NEDD8: variants seen among roughly 807,000 people sequenced by gnomAD.
NEDD8 encodes ubiquitin-like protein NEDD8.
In NEDD8, 1 loss-of-function variant was observed where a neutral mutation model predicts 13.8. The ratio of observed to expected loss-of-function variants is 0.07; its 90% CI spans 0.03 to 0.34. NEDD8 has a LOEUF of 0.34. NEDD8 is among the 10% of genes least tolerant of loss of function. NEDD8 has a pLI of 0.99. For missense variants in NEDD8, 10 were observed against 95.2 expected, an observed-to-expected ratio of 0.10 and a Z score of 3.73; for synonymous variants, 31 against 33.2, an observed-to-expected ratio of 0.93 and a Z score of 0.23.
intron 1 of NEDD8, among the ~76,000 whole-genome samples, chr14:24,223,626 G>A (rs1376621492): frequency 6.6e-6 from 1 of 151,580 alleles, no homozygotes; most frequent in African/African-American, 2.4e-5. Flanking sequence ...ATGGCTCACT[G>A]CAGCCTCCAA....
At chr14:24,221,702 A>G (rs1222584055) in intron 1 of NEDD8, among the ~76,000 whole-genome samples, 3 of 152,050 alleles carry the variant, frequency 2.0e-5, no homozygotes, top group African/African-American at 7.2e-5. Context: ...GGTTCAAGCA[A>G]TTCTCCTATC....
intron 1 of NEDD8, chr14:24,232,012 AGTCCTGG>A: frequency 1.7e-6 from 1 of 576,134 alleles, no homozygotes. Context: ...GTGATAGCAC[AGTCCTGG>A]CAAAAAAGCA....
chr14:24,221,873 G>A (rs1303374621), intron 1 of NEDD8, among the ~76,000 whole-genome samples: 1 of 152,182 alleles, frequency 6.6e-6, no homozygotes, highest in African/African-American at 2.4e-5. Flanking sequence ...TGGGATTATA[G>A]ATGTGGGCCA....
intron 1 of NEDD8, chr14:24,218,647 C>A (rs2039748704): frequency 1.6e-6 from 1 of 622,922 alleles, no homozygotes; most frequent in Non-Finnish European, 2.8e-6. Flanking sequence ...ATTCTTTGAA[C>A]CATCTGATCC....
At chr14:24,222,742 TTA>T (rs1410050277) in intron 1 of NEDD8, among the ~76,000 whole-genome samples, 19 of 152,244 alleles carry the variant, frequency 1.2e-4, no homozygotes, top group African/African-American at 4.6e-4. Context: ...TTAATATATT[TTA>T]TGTTTTTTCT....
chr14:24,220,634 C>T (rs1053553888), intron 1 of NEDD8, among the ~76,000 whole-genome samples: 2 of 152,146 alleles, frequency 1.3e-5, no homozygotes, highest in African/African-American at 4.8e-5. Context: ...TGAACACTTT[C>T]TAAGGGTCAG....
chr14:24,229,418 C>A (rs1478654895), intron 1 of NEDD8, among the ~76,000 whole-genome samples: 1 of 152,152 alleles, frequency 6.6e-6, no homozygotes, highest in African/African-American at 2.4e-5. Flanking sequence ...CGGGGTTTCA[C>A]CATGTTGGCC....
intron 1 of NEDD8, among the ~76,000 whole-genome samples, chr14:24,225,912 G>T (rs1169872345): frequency 6.6e-6 from 1 of 151,984 alleles, no homozygotes; most frequent in Non-Finnish European, 1.5e-5. Flanking sequence ...GTGGTGGCAC[G>T]CACCTGTATC....
intron 1 of NEDD8, chr14:24,227,753 T>A (rs555290493): frequency 6.6e-6 from 1 of 152,294 alleles, no homozygotes; most frequent in South Asian, 2.1e-4. Flanking sequence ...TTGTAAAATC[T>A]TATAGAAAAA....
intron 1 of NEDD8, 84 bp downstream of exon 1, chr14:24,232,166 T>C: frequency 6.2e-7 from 1 of 1,602,138 alleles, no homozygotes; most frequent in Non-Finnish European, 8.5e-7. Flanking sequence ...GGGAAAGGCG[T>C]GGTTTTCCTT....
intron 1 of NEDD8, among the ~76,000 whole-genome samples, chr14:24,228,924 T>C (rs1011588546): frequency 5.5e-5 from 8 of 145,358 alleles, no homozygotes; most frequent in African/African-American, 1.5e-4. Flanking sequence ...TAGAGAGAGA[T>C]GGGGCACAGA....
At position 24,232,324 on chromosome 14, in the gene NEDD8, G is replaced by T. The variant is rs1352863391; in HGVS notation, c.-57C>A. On this transcript the variant is annotated 5_prime_UTR_variant, in exon 1 of 4. Coordinates refer to ENST00000250495, the MANE Select transcript of NEDD8 (RefSeq NM_006156.3). ...AATTGCTGCTCCTACCGCTCCGGTC[G>T]CCGCTGCCGCCCTCCAGCACTCTTG... The T allele has an allele frequency of 6.3e-7, 1 of 1,597,116 alleles. No homozygotes were observed. The highest frequency in any genetic ancestry group is 1.4e-5 in the African/African-American group (1 of 72,416).
rs917302851 is a variant in NEDD8 at position 24,217,350 on chromosome 14, C to T, written c.150-127G>A. ...TGTCATCTAGGCTGGAGTACAGTGG[C>T]ACGATCTCAGCTCACTGCAACTTCC... On this transcript the variant is annotated intron_variant, in intron 3 of 3. Transcript: ENST00000250495. The T allele has an allele frequency of 4.1e-6, 3 of 734,884 alleles. No homozygotes were observed. The African/African-American group carries it at 5.3e-5, about 13-fold the overall frequency. 45.5% of individuals were successfully genotyped at this position (734,884 alleles called of 1,614,324 possible). A position where few individuals can be genotyped will look rare whatever the true frequency, so the allele number is the denominator to read the frequency against.
intron 1 of NEDD8, among the ~76,000 whole-genome samples, chr14:24,221,356 A>G (rs1340753931): frequency 1.3e-5 from 2 of 149,948 alleles, no homozygotes; most frequent in African/African-American, 4.9e-5. Flanking sequence ...ATCATGGCTC[A>G]CCGCAGCCTC....
In NEDD8 at chr14:24,226,908, A is replaced by G. The variant is rs547011034; in HGVS notation, c.18+5342T>C. 2.0e-5 allele frequency: 3 copies of G among 152,374 alleles called. No individual in the cohort carries two copies. In the South Asian group the frequency reaches 6.2e-4, roughly 32 times the overall value. The allele number at this position is 152,374 out of a possible 1,614,324, so 9.4% of individuals were successfully genotyped here. On this transcript the variant is annotated intron_variant, in intron 1 of 3. Transcript: ENST00000250495. ...AACAATGTTCATAGAAGACTTTTTCATAATAGCCAGAAACTGGAGATAACT... is the reference window on the plus strand; with the variant it reads ...AACAATGTTCATAGAAGACTTTTTCGTAATAGCCAGAAACTGGAGATAACT...
chr14:24,231,122 C>T (rs2040001897), intron 1 of NEDD8, among the ~76,000 whole-genome samples: 1 of 152,084 alleles, frequency 6.6e-6, no homozygotes, highest in South Asian at 2.1e-4. Flanking sequence ...AACTCCTGGG[C>T]TCAAGCGATC....
Position 24,228,257 on chromosome 14 carries a change from G to A in NEDD8, c.18+3993C>T, listed in dbSNP as rs1196160202. ...AAAATACAAAAGTTAGCCGGGTATG[G>A]TGGTGGGCACTTGTAGTCCCAGCTA... On this transcript the variant is annotated intron_variant, in intron 1 of 3. Transcript: ENST00000250495. The A allele has an allele frequency of 2.6e-5, 4 of 152,090 alleles. No individual in the cohort carries two copies. The South Asian group carries it at 6.2e-4, about 24-fold the overall frequency. 9.4% of individuals were successfully genotyped at this position (152,090 alleles called of 1,614,324 possible). A position where few individuals can be genotyped will look rare whatever the true frequency, so the allele number is the denominator to read the frequency against.
At chr14:24,221,643 T>G (rs957595233) in intron 1 of NEDD8, among the ~76,000 whole-genome samples, 6 of 152,116 alleles carry the variant, frequency 3.9e-5, no homozygotes, top group Non-Finnish European at 5.9e-5. Flanking sequence ...CTGCCCAGGC[T>G]GGAGTGCAAC....
chr14:24,222,212 G>A (rs530753669), intron 1 of NEDD8, among the ~76,000 whole-genome samples: 36 of 152,044 alleles, frequency 2.4e-4, no homozygotes, highest in Non-Finnish European at 4.1e-4. Flanking sequence ...ATATCAAACA[G>A]TTGAGGGTTA....
Sources: allele counts gnomAD v4.1 joint callset (sites outside exome capture counted in the v4.1 genomes callset), GRCh38; gene constraint gnomAD v4.1.1; transcripts MANE v1.5; gene names NCBI Gene and HGNC (gene_info 2026-07-23, HGNC 2026-07-21).